Variants in TTC23 observed in about 807,000 individuals in gnomAD.
TTC23 encodes tetratricopeptide repeat domain 23, also known as tetratricopeptide repeat protein 23.
In TTC23, 58 loss-of-function variants were observed where a neutral mutation model predicts 55.1. That is an observed-to-expected ratio of 1.05 (90% CI 0.85 to 1.31). The LOEUF (loss-of-function observed/expected upper bound fraction) is 1.31. Ranked by LOEUF, TTC23 falls within the 50% of genes most tolerant of loss-of-function variation. The pLI, the probability that TTC23 is intolerant of heterozygous loss-of-function variation, is 0.00. For missense variants in TTC23, 516 were observed against 534.4 expected (o/e 0.97, Z 0.34); for synonymous variants, 203 against 199.9 (o/e 1.02, Z -0.13).
chr15:99,251,026 C>T (rs2080694334), upstream of TTC23: 1 of 147,762 alleles, frequency 6.8e-6, no homozygotes, highest in Non-Finnish European at 1.5e-5. Flanking sequence ...AACGAACGCT[C>T]AACGTGGGAT....
chr15:99,169,859 A>C (rs2072674957), intron 10 of TTC23, among the ~76,000 whole-genome samples: 1 of 152,180 alleles, frequency 6.6e-6, no homozygotes, highest in Non-Finnish European at 1.5e-5. Flanking sequence ...CTCTAACCAG[A>C]CAGAGCCCAT....
chr15:99,169,771 G>C (rs868806464), intron 10 of TTC23, among the ~76,000 whole-genome samples: 91 of 152,316 alleles, frequency 6.0e-4, no homozygotes, highest in African/African-American at 2.0e-3. Context: ...AGGACCAGTG[G>C]GGGCGGGGGA....
At chr15:99,181,451 G>A (rs749005348) in intron 9 of TTC23, among the ~76,000 whole-genome samples, 9 of 152,136 alleles carry the variant, frequency 5.9e-5, no homozygotes, top group Non-Finnish European at 1.0e-4. Flanking sequence ...GTCGTCGACC[G>A]AGAGTCTACG....
intron 10 of TTC23, among the ~76,000 whole-genome samples, chr15:99,168,720 C>T (rs538207717): frequency 1.6e-3 from 245 of 152,286 alleles, no homozygotes; most frequent in African/African-American, 5.6e-3. Context: ...TCAGCTCTGC[C>T]CCAGCTAGAG....
intron 10 of TTC23, among the ~76,000 whole-genome samples, chr15:99,162,734 A>G (rs2071537306): frequency 6.6e-6 from 1 of 152,076 alleles, no homozygotes; most frequent in Admixed American, 6.5e-5. Flanking sequence ...GAGTATGAAG[A>G]TATAGTTCTC....
intron 12 of TTC23, among the ~76,000 whole-genome samples, chr15:99,154,352 T>A (rs2070253088): frequency 6.6e-6 from 1 of 152,190 alleles, no homozygotes; most frequent in Non-Finnish European, 1.5e-5. Flanking sequence ...CCAAAAAGCA[T>A]GTGTTGGAAA....
chr15:99,206,835 T>A (rs968960300), intron 8 of TTC23, among the ~76,000 whole-genome samples: 3 of 152,146 alleles, frequency 2.0e-5, no homozygotes, highest in African/African-American at 7.2e-5. Context: ...ATTATTTTTT[T>A]ATCCGAATTT....
intron 12 of TTC23, chr15:99,144,287 C>G (rs2068575570): frequency 6.6e-6 from 1 of 152,230 alleles, no homozygotes; most frequent in Non-Finnish European, 1.5e-5. Context: ...CGCTAACACC[C>G]TTCCCAGTGT....
intron 8 of TTC23, among the ~76,000 whole-genome samples, chr15:99,217,446 T>A (rs956965203): frequency 6.6e-6 from 1 of 152,186 alleles, no homozygotes. Flanking sequence ...CATGAGCCAC[T>A]GTGCCCGGCC....
chr15:99,233,341 G>C (rs1223955523), intron 4 of TTC23, among the ~76,000 whole-genome samples: 1 of 152,154 alleles, frequency 6.6e-6, no homozygotes, highest in Non-Finnish European at 1.5e-5. Flanking sequence ...AAGAATGAGA[G>C]AGATGACATC....
chr15:99,143,796 G>A (rs1555491543), intron 12 of TTC23, among the ~76,000 whole-genome samples: 2 of 152,168 alleles, frequency 1.3e-5, no homozygotes, highest in Admixed American at 6.5e-5. Context: ...CCCTAAATGG[G>A]GCCATGTTTG....
At chr15:99,176,422 G>A (rs896309234) in intron 9 of TTC23, among the ~76,000 whole-genome samples, 3 of 152,052 alleles carry the variant, frequency 2.0e-5, no homozygotes, top group Admixed American at 1.3e-4. Context: ...ATGAGCCTGG[G>A]CAACATGGTG....
rs1467742388 is a variant in TTC23 at position 99,137,240 on chromosome 15, A to T, written c.*770T>A. ...ATGGCCTCCTTCCAGGGGGCTGAAG[A>T]CTGCTGTGTACACGATAGTGTGCCA... On this transcript the variant is annotated 3_prime_UTR_variant, in exon 14 of 14. Coordinates refer to ENST00000394132, the MANE Select transcript of TTC23 (RefSeq NM_001288615.3). 1 of 152,240 alleles carries T rather than the reference A, an allele frequency of 6.6e-6. No homozygotes were observed. The highest frequency in any genetic ancestry group is 2.4e-5 in the African/African-American group (1 of 41,456). 9.4% of individuals were successfully genotyped at this position (152,240 alleles called of 1,614,324 possible). A position where few individuals can be genotyped will look rare whatever the true frequency, so the allele number is the denominator to read the frequency against.
At chr15:99,217,231 A>T (rs1183486571) in intron 8 of TTC23, among the ~76,000 whole-genome samples, 3 of 150,808 alleles carry the variant, frequency 2.0e-5, no homozygotes, top group African/African-American at 7.3e-5. Context: ...GTCTCTACTC[A>T]CTGCAACCTC....
intron 11 of TTC23, among the ~76,000 whole-genome samples, chr15:99,157,079 G>A (rs983599895): frequency 1.3e-5 from 2 of 151,674 alleles, no homozygotes; most frequent in Non-Finnish European, 2.9e-5. Flanking sequence ...CAGAGTCAGA[G>A]GGCTCAGCTG....
intron 10 of TTC23, 67 bp from the exon 11 acceptor site, chr15:99,161,934 A>G: frequency 2.6e-6 from 4 of 1,514,222 alleles, no homozygotes; most frequent in Non-Finnish European, 3.5e-6. Flanking sequence ...CAGAATAAAT[A>G]TACTGTTAGC....
chr15:99,149,342 T>C (rs1355932834), intron 12 of TTC23, among the ~76,000 whole-genome samples: 5 of 152,220 alleles, frequency 3.3e-5, no homozygotes, highest in Admixed American at 3.3e-4. Context: ...AACAGGTGTC[T>C]TTAAGATGCC....
At chr15:99,168,469 T>C (rs28612155) in intron 10 of TTC23, among the ~76,000 whole-genome samples, 67,091 of 151,982 alleles carry the variant, frequency 0.44, 14,880 homozygotes, top group Middle Eastern at 0.57. Context: ...TGTAGATGCG[T>C]TTTCCATAAG....
intron 8 of TTC23, among the ~76,000 whole-genome samples, chr15:99,210,636 G>A (rs1041415004): frequency 5.3e-5 from 8 of 152,140 alleles, no homozygotes; most frequent in Non-Finnish European, 1.0e-4. Context: ...AAAGAGAGAA[G>A]CAGAGAAAAT....
Sources: allele counts gnomAD v4.1 joint callset (sites outside exome capture counted in the v4.1 genomes callset), GRCh38; gene constraint gnomAD v4.1.1; transcripts MANE v1.5; gene names NCBI Gene and HGNC (gene_info 2026-07-23, HGNC 2026-07-21).